CDH12: variants seen among roughly 807,000 people sequenced by gnomAD.
The protein encoded by CDH12 is cadherin 12, also known as cadherin-12.
In CDH12, 41 loss-of-function variants were observed where a neutral mutation model predicts 74.1. That is an observed-to-expected ratio of 0.55 (90% CI 0.43 to 0.72). The LOEUF is 0.72. Among genes scored for constraint, CDH12 ranks in the 30% least tolerant of loss-of-function variants. The pLI, the probability that CDH12 is intolerant of heterozygous loss-of-function variation, is 0.00. For missense variants in CDH12, 945 were observed against 977.2 expected (o/e 0.97, Z 0.44); for synonymous variants, 399 against 355.0 (o/e 1.12, Z -1.39).
intron 6 of CDH12, among the ~76,000 whole-genome samples, chr5:21,916,075 T>C (rs960631195): frequency 6.6e-6 from 1 of 152,082 alleles, no homozygotes; most frequent in Non-Finnish European, 1.5e-5. Flanking sequence ...ACCTATTCAG[T>C]ACATATTTTT....
intron 2 of CDH12, among the ~76,000 whole-genome samples, chr5:22,463,322 TA>T (rs1233521379): frequency 2.0e-5 from 3 of 152,184 alleles, no homozygotes; most frequent in African/African-American, 7.2e-5. Context: ...ATTCATTTTC[TA>T]AAAGCCTACT....
rs371893900 is a variant in CDH12 at position 22,171,358 on chromosome 5, A to G, written c.-187+41140T>C. Among the ~76,000 whole-genome samples the G allele has an allele frequency of 6.3e-3, 960 of 152,042 alleles. 3 individuals are homozygous for G. Among genetic ancestry groups the G allele is most frequent in the Admixed American group, 0.01 (158 of 15,234 alleles). ...TACTAGATGGCTATTAAGCATTGTT[A>G]TTATAAGATGTTGCTTAGATGTAAT... On this transcript the variant is annotated intron_variant, in intron 4 of 14. Coordinates refer to ENST00000382254, the MANE Select transcript of CDH12 (RefSeq NM_004061.5).
At chr5:21,846,298 C>A (rs1750162962) in intron 7 of CDH12, among the ~76,000 whole-genome samples, 1 of 152,108 alleles carries the variant, frequency 6.6e-6, no homozygotes, top group Non-Finnish European at 1.5e-5. Context: ...AAGCAGAAAC[C>A]CATTCGGGTG....
At chr5:21,832,939 TATAATATC>T (rs1749148610) in intron 8 of CDH12, among the ~76,000 whole-genome samples, 1 of 68,392 alleles carries the variant, frequency 1.5e-5, no homozygotes, top group East Asian at 4.5e-4. Context: ...ATATATTATA[TATAATATC>T]ATATTATGTA....
intron 4 of CDH12, among the ~76,000 whole-genome samples, chr5:22,096,582 G>T (rs375090631): frequency 6.6e-6 from 1 of 151,912 alleles, no homozygotes; most frequent in African/African-American, 2.4e-5. Context: ...CACCTGGTCC[G>T]GCTTACAGTT....
chr5:21,802,594 T>TTTC (rs1554032190), intron 9 of CDH12, among the ~76,000 whole-genome samples, 174 bp from the exon 10 acceptor site: 9 of 17,798 alleles, frequency 5.1e-4, no homozygotes, highest in Admixed American at 1.1e-3. Context: ...TTTTTTTTTC[T>TTTC]TTTTTTTTTT....
intron 4 of CDH12, among the ~76,000 whole-genome samples, chr5:22,204,413 G>A (rs1171273065): frequency 6.6e-6 from 1 of 152,062 alleles, no homozygotes; most frequent in Non-Finnish European, 1.5e-5. Context: ...CGCCCGCCTC[G>A]GCCTCCCGAA....
intron 6 of CDH12, among the ~76,000 whole-genome samples, chr5:21,860,341 G>C (rs1029920969): frequency 1.3e-5 from 2 of 152,006 alleles, no homozygotes; most frequent in Non-Finnish European, 2.9e-5. Flanking sequence ...AGGGATAACT[G>C]TATTAAGTTA....
chr5:21,815,256 G>A (rs1052093804), intron 9 of CDH12, among the ~76,000 whole-genome samples: 2 of 152,116 alleles, frequency 1.3e-5, no homozygotes, highest in African/African-American at 4.8e-5. Context: ...TAATTACAAT[G>A]AGTAAATGAG....
intron 6 of CDH12, among the ~76,000 whole-genome samples, chr5:21,868,193 T>A (rs762522950): frequency 6.8e-6 from 1 of 146,230 alleles, no homozygotes; most frequent in South Asian, 2.2e-4. Flanking sequence ...TTTTGTAAAT[T>A]TCACCGTCCA....
intron 1 of CDH12, among the ~76,000 whole-genome samples, chr5:22,764,012 A>C (rs948632285): frequency 8.6e-5 from 13 of 151,962 alleles, no homozygotes; most frequent in Non-Finnish European, 1.0e-4. Context: ...TATACTTTAT[A>C]TGTAAGAGTT....
chr5:22,360,630 AAG>A (rs1417560698), intron 3 of CDH12, among the ~76,000 whole-genome samples: 1 of 152,200 alleles, frequency 6.6e-6, no homozygotes, highest in Non-Finnish European at 1.5e-5. Context: ...CAACAAAAAA[AAG>A]AGAATTTTAG....
intron 5 of CDH12, among the ~76,000 whole-genome samples, chr5:21,985,554 A>G (rs1475080304): frequency 6.6e-6 from 1 of 152,172 alleles, no homozygotes; most frequent in Non-Finnish European, 1.5e-5. Context: ...TGAGATTTAA[A>G]GTAATATTGT....
intron 6 of CDH12, among the ~76,000 whole-genome samples, chr5:21,921,690 G>A (rs901948216): frequency 2.6e-5 from 4 of 152,128 alleles, no homozygotes; most frequent in African/African-American, 7.2e-5. Flanking sequence ...ATATGATGGG[G>A]AAGAATCTGA....
At chr5:22,326,108 A>G (rs1739084906) in intron 3 of CDH12, among the ~76,000 whole-genome samples, 1 of 152,238 alleles carries the variant, frequency 6.6e-6, no homozygotes, top group Non-Finnish European at 1.5e-5. Flanking sequence ...AAGTGCAGTT[A>G]AGAATAGCTT....
chr5:22,605,989 G>A (rs534640835), intron 1 of CDH12, among the ~76,000 whole-genome samples: 12 of 152,294 alleles, frequency 7.9e-5, no homozygotes, highest in African/African-American at 2.2e-4. Context: ...GAGCTGTAGG[G>A]CAACTAGTAG....
rs1267401908 is a variant in CDH12, at chr5:21,751,388, G to C, written c.*349C>G. On this transcript the variant is annotated 3_prime_UTR_variant, in exon 15 of 15. Coordinates refer to ENST00000382254, the MANE Select transcript of CDH12 (RefSeq NM_004061.5). Reference sequence around the variant, plus strand: ...AAGAAAAATCTAACACTCTTCCACCGTGATGCCACATAGCTATCTTCGTTC... The same window carrying C: ...AAGAAAAATCTAACACTCTTCCACCCTGATGCCACATAGCTATCTTCGTTC... 4.6e-6 allele frequency: 1 copy of C among 217,526 alleles called. No homozygotes were observed. The highest frequency in any genetic ancestry group is 5.2e-5 in the Admixed American group (1 of 19,306). 13.5% of individuals were successfully genotyped at this position (217,526 alleles called of 1,614,324 possible).
chr5:22,364,742 A>G (rs1740959772), intron 3 of CDH12, among the ~76,000 whole-genome samples: 1 of 152,230 alleles, frequency 6.6e-6, no homozygotes, highest in Non-Finnish European at 1.5e-5. Flanking sequence ...ATGTTACCTT[A>G]GCATCAGGCT....
intron 7 of CDH12, among the ~76,000 whole-genome samples, chr5:21,844,228 TG>T (rs961905647): frequency 4.6e-5 from 7 of 152,188 alleles, no homozygotes; most frequent in African/African-American, 1.7e-4. Flanking sequence ...TTCATAAAAA[TG>T]GGGTACTATG....
Sources: allele counts gnomAD v4.1 joint callset (sites outside exome capture counted in the v4.1 genomes callset), GRCh38; gene constraint gnomAD v4.1.1; transcripts MANE v1.5; gene names NCBI Gene and HGNC (gene_info 2026-07-23, HGNC 2026-07-21).